Variants in WNK2 observed in about 807,000 individuals in gnomAD.
WNK2 encodes WNK lysine deficient protein kinase 2, also known as serine/threonine-protein kinase WNK2.
A neutral mutation model predicts 192.1 loss-of-function variants in WNK2; 67 were observed. The ratio of observed to expected loss-of-function variants is 0.35; its 90% confidence interval spans 0.29 to 0.43. The LOEUF is 0.43. Ranked by LOEUF, WNK2 falls within the 20% of genes least tolerant of loss-of-function variation. WNK2 has a pLI of 1.00. For synonymous variants in WNK2, 1,439 were observed against 1,393.9 expected, an observed-to-expected ratio of 1.03 and a Z score of -0.72; for missense variants, 2,698 against 3,089.7, an observed-to-expected ratio of 0.87 and a Z score of 3.01.
intron 19 of WNK2, among the ~76,000 whole-genome samples, chr9:93,275,768 G>A (rs1288834915): frequency 6.6e-6 from 1 of 152,182 alleles, no homozygotes; most frequent in Non-Finnish European, 1.5e-5. Flanking sequence ...CATAGGATAC[G>A]CAGTCATCAT....
chr9:93,205,565 C>T (rs1161294490), intron 2 of WNK2, among the ~76,000 whole-genome samples: 2 of 151,858 alleles, frequency 1.3e-5, no homozygotes, highest in Non-Finnish European at 2.9e-5. Context: ...TCGGCCCGCC[C>T]CGCGGCCGGC....
intron 2 of WNK2, among the ~76,000 whole-genome samples, chr9:93,225,914 A>ATGTTGTGTTG (rs35020803): frequency 0.037 from 5,546 of 150,958 alleles, 188 homozygotes; most frequent in South Asian, 0.19. Context: ...CTGTTGTGTT[A>ATGTTGTGTTG]TGTTGTGTTG....
intron 7 of WNK2, among the ~76,000 whole-genome samples, chr9:93,243,150 C>T (rs999569098): frequency 4.6e-5 from 7 of 152,182 alleles, no homozygotes; most frequent in African/African-American, 1.4e-4. Flanking sequence ...CTCGTGGGCT[C>T]CTTGCCTGTC....
intron 2 of WNK2, among the ~76,000 whole-genome samples, chr9:93,193,719 G>T (rs1830745757): frequency 6.6e-6 from 1 of 152,234 alleles, no homozygotes; most frequent in Admixed American, 6.5e-5. Flanking sequence ...AACACTGTCT[G>T]TAAGTTTTCC....
chr9:93,319,320 A>C, intron 29 of WNK2: 18 of 1,426,794 alleles, frequency 1.3e-5, no homozygotes, highest in Non-Finnish European at 1.7e-5. Flanking sequence ...CTGCATCCAC[A>C]CCTCTGGAGG....
chr9:93,318,441 A>G (rs1855107947), intron 29 of WNK2: 6 of 1,613,972 alleles, frequency 3.7e-6, no homozygotes, highest in African/African-American at 1.3e-5. Context: ...GGCAGGGCAC[A>G]CTGGCGGAGC....
In WNK2 at chr9:93,293,095, C is replaced by T. The variant is rs372209963; in HGVS notation, c.5630C>T (p.Ser1877Leu). 6 of 1,603,724 alleles carry T rather than the reference C, an allele frequency of 3.7e-6. No homozygotes were observed. The African/African-American group carries it at 5.4e-5, about 14-fold the overall frequency. Reference sequence around the variant, plus strand: ...AGCGTGACCTCCTTCCATTCCCAGTCGTCCTACATCAGCAGCGACAATGAT... The same window carrying T: ...AGCGTGACCTCCTTCCATTCCCAGTTGTCCTACATCAGCAGCGACAATGAT... ...TISVTSFHSQ[S>L]SYISSDNDSE... The change falls in exon 23 of 30, where the codon TCG (serine) becomes TTG (leucine). Residue 1877 changes from serine to leucine, a missense_variant. By Grantham distance (145) the Ser-to-Leu change is moderately radical. Coordinates refer to ENST00000427277, the MANE Select transcript of WNK2 (RefSeq NM_006648.4).
intron 21 of WNK2, among the ~76,000 whole-genome samples, 180 bp downstream of exon 21, chr9:93,290,227 C>CT (rs1378692503): frequency 6.6e-6 from 1 of 152,130 alleles, no homozygotes; most frequent in East Asian, 1.9e-4. Flanking sequence ...CAGCAGGAGT[C>CT]TGTCATGATT....
chr9:93,267,822 A>G lies in WNK2; in HGVS notation c.3773A>G (p.Glu1258Gly). 6.2e-7 allele frequency: 1 copy of G among 1,612,758 alleles called. No homozygotes were observed. The highest frequency in any genetic ancestry group is 8.5e-7 in the Non-Finnish European group (1 of 1,179,568). Residue 1258 changes from glutamate to glycine, a missense_variant, in exon 17 of 30, where the codon GAG becomes GGG. Glu to Gly is a moderately conservative substitution (Grantham distance 98). Around this residue, in one of 7 missense-constraint regions of WNK2, gnomAD observed 1,098 missense variants for 1,101.0 expected, o/e 1.00. Transcript: ENST00000427277. The part of the protein sequence containing the change: ...EQMKDVMDKA[E>G]DMLSEDTDAD... ...ATGAAGGATGTCATGGACAAGGCAG[A>G]GGACATGCTCAGCGAGGACACAGAC...
intron 2 of WNK2, among the ~76,000 whole-genome samples, chr9:93,221,757 T>C (rs1278515678): frequency 6.6e-6 from 1 of 152,084 alleles, no homozygotes; most frequent in Non-Finnish European, 1.5e-5. Flanking sequence ...CAGGGAAGTG[T>C]GGCAGGGCAG....
intron 8 of WNK2, among the ~76,000 whole-genome samples, chr9:93,249,642 T>C (rs1245191561): frequency 6.6e-6 from 1 of 151,762 alleles, no homozygotes; most frequent in African/African-American, 2.4e-5. Context: ...CCCAGCTAAT[T>C]TTTTTGTATT....
At chr9:93,272,015 G>A (rs1348647982) in intron 19 of WNK2, among the ~76,000 whole-genome samples, 1 of 152,202 alleles carries the variant, frequency 6.6e-6, no homozygotes, top group Non-Finnish European at 1.5e-5. Flanking sequence ...CTAGAATTCT[G>A]TTTCCAGGGA....
At position 93,308,452 on chromosome 9, in the gene WNK2, G is replaced by GGTGGACGA; in HGVS notation, c.6394_6401dup (p.Lys2135GlyfsTer11). 1.2e-6 allele frequency: 2 copies of GGTGGACGA among 1,610,588 alleles called. No homozygotes were observed. The highest frequency in any genetic ancestry group is 1.7e-6 in the Non-Finnish European group (2 of 1,178,810). On this transcript the variant is annotated frameshift_variant, in exon 28 of 30. Transcript: ENST00000427277. LOFTEE classifies it high-confidence loss of function. Reference sequence around the variant, plus strand: ...CCTTCACGGACGACCTGCACAAGCTGGTGGACGAGTGGACGAGCAAGACGG... The same window carrying GGTGGACGA: ...CCTTCACGGACGACCTGCACAAGCTGGTGGACGAGTGGACGAGTGGACGAGCAAGACGG...
intron 29 of WNK2, chr9:93,318,180 G>T (rs1855081954): frequency 1.3e-6 from 2 of 1,492,630 alleles, no homozygotes; most frequent in Admixed American, 2.3e-5. Flanking sequence ...TATCGGAAAA[G>T]GTTTCATTTG....
At position 93,320,546 on chromosome 9, in the gene WNK2, AT is replaced by A; in HGVS notation, c.*155del. Reference sequence around the variant, plus strand: ...TTGGAAACACAAATGTAATGCAAGAATAAAAAATATTTTGGGGCAGAAAGGA... The same window carrying A: ...TTGGAAACACAAATGTAATGCAAGAAAAAAAATATTTTGGGGCAGAAAGGA... On this transcript the variant is annotated 3_prime_UTR_variant, in exon 30 of 30. Transcript: ENST00000427277. 1 of 848,462 alleles carries A rather than the reference AT, an allele frequency of 1.2e-6. No individual in the cohort carries two copies. Among genetic ancestry groups the A allele is most frequent in the South Asian group, 1.5e-5 (1 of 66,684 alleles). 52.6% of individuals were successfully genotyped at this position (848,462 alleles called of 1,614,324 possible). A position where few individuals can be genotyped will look rare whatever the true frequency, so the allele number is the denominator to read the frequency against.
At position 93,185,334 on chromosome 9, in the gene WNK2, C is replaced by T; in HGVS notation, c.405C>T (p.Thr135=). The change falls in exon 2 of 30, where the codon ACC becomes ACT. Residue 135 remains threonine, a synonymous_variant. Transcript: ENST00000427277. The stretch of plus-strand genomic sequence containing the variant: ...ACCCCATCGCAGCCGCTGTCGAAAC[C>T]GCGCCTGCCCCCGACGGCGGCCCCA... ...GPDPIAAAVE[T]APAPDGGPRE... is the part of the protein sequence containing the mutation. 6.5e-7 allele frequency: 1 copy of T among 1,533,324 alleles called. No homozygotes were observed. The allele number at this position is 1,533,324 out of a possible 1,614,324, so 95.0% of individuals were successfully genotyped here.
At chr9:93,318,386 G>A (rs1002939530) in intron 29 of WNK2, 24 of 1,613,682 alleles carry the variant, frequency 1.5e-5, no homozygotes, top group African/African-American at 4.0e-5. Flanking sequence ...GTAGAGTGCC[G>A]GTTCCCTGGG....
In WNK2 at chr9:93,289,689, G is replaced by A. The variant is rs887246346; in HGVS notation, c.4866+69G>A. 8.7e-6 allele frequency: 12 copies of A among 1,382,122 alleles called. No homozygotes were observed. The African/African-American group carries it at 1.2e-4, about 13-fold the overall frequency. 85.6% of individuals were successfully genotyped at this position (1,382,122 alleles called of 1,614,324 possible). A position where few individuals can be genotyped will look rare whatever the true frequency, so the allele number is the denominator to read the frequency against. On this transcript the variant is annotated intron_variant, in intron 20 of 29. Transcript: ENST00000427277. ...GCCGGAGCCCGGGCGCAGGCCCGGG[G>A]GTGGGCAGGCATCTTGGCTATGCAG... is the stretch of plus-strand genomic sequence containing the variant.
chr9:93,266,600 T>C (rs1588304300), intron 16 of WNK2, among the ~76,000 whole-genome samples: 1 of 152,198 alleles, frequency 6.6e-6, no homozygotes, highest in Non-Finnish European at 1.5e-5. Flanking sequence ...TTGGCCACAG[T>C]GTACTCCTCT....
Sources: gnomAD v4.1 joint callset for allele counts (sites outside exome capture counted in the v4.1 genomes callset) on GRCh38, gnomAD v4.1.1 for gene constraint, gnomAD v4.1.1 regional missense constraint, MANE v1.5 for transcripts, NCBI Gene and HGNC (gene_info 2026-07-23, HGNC 2026-07-21) for gene names.